Variants in CHMP3 observed in about 807,000 individuals in gnomAD.
CHMP3 encodes 25.1 protein.
In CHMP3, 8 loss-of-function variants were observed where a neutral mutation model predicts 27.4. That is an observed-to-expected ratio of 0.29 (90% CI 0.17 to 0.53). CHMP3 has a LOEUF of 0.53. CHMP3 is among the 20% of genes least tolerant of loss of function. The pLI is 0.96. For missense variants in CHMP3, 208 were observed against 271.5 expected, an observed-to-expected ratio of 0.77 and a Z score of 1.64; for synonymous variants, 86 against 85.5, an observed-to-expected ratio of 1.01 and a Z score of -0.03.
chr2:86,511,846 CAG>C (rs1675119279), intron 3 of CHMP3: 1 of 151,926 alleles, frequency 6.6e-6, no homozygotes, highest in African/African-American at 2.4e-5. Flanking sequence ...AATAAGTAAA[CAG>C]ATGGGAGACA....
chr2:86,552,556 G>A (rs867499373), intron 1 of CHMP3, among the ~76,000 whole-genome samples: 2 of 152,180 alleles, frequency 1.3e-5, no homozygotes, highest in African/African-American at 2.4e-5. Context: ...TTCACATGGT[G>A]CTAAAATATC....
At chr2:86,542,384 G>T (rs1240329449) in intron 1 of CHMP3, 72 bp from the exon 2 acceptor site, 2 of 1,384,570 alleles carry the variant, frequency 1.4e-6, no homozygotes, top group Non-Finnish European at 2.0e-6. Context: ...TAAGAATTTT[G>T]TATTAACTCC....
chr2:86,563,152 T>C, intron 1 of CHMP3, 152 bp downstream of exon 1: 1 of 901,880 alleles, frequency 1.1e-6, no homozygotes, highest in South Asian at 1.6e-5. Flanking sequence ...CTAAAGACTC[T>C]TCCTCCGGCC....
Position 86,507,607 on chromosome 2 carries a change from A to G in CHMP3, c.409-14T>C. On this transcript the variant is annotated splice_polypyrimidine_tract_variant and intron_variant, in intron 4 of 5. Transcript: ENST00000263856. ...TATGATCCCAGCCTAAACAGAATAA[A>G]TATGTCACTTCGGTCAACTGTTAAA... 1 of 1,609,200 alleles carries G rather than the reference A, an allele frequency of 6.2e-7. No individual in the cohort carries two copies. Among genetic ancestry groups the G allele is most frequent in the Non-Finnish European group, 8.5e-7 (1 of 1,175,596 alleles).
chr2:86,535,489 A>C (rs1404148808), intron 2 of CHMP3, among the ~76,000 whole-genome samples: 1 of 152,070 alleles, frequency 6.6e-6, no homozygotes, highest in African/African-American at 2.4e-5. Context: ...TCCTAAACTT[A>C]TAACACTCTA....
At chr2:86,511,790 G>A (rs1675116892) in intron 3 of CHMP3, 1 of 152,040 alleles carries the variant, frequency 6.6e-6, no homozygotes, top group African/African-American at 2.4e-5. Flanking sequence ...GAGAGTACCT[G>A]AACATGGTAT....
At chr2:86,507,636 G>A in intron 4 of CHMP3, 43 bp from the exon 5 acceptor site, 1 of 1,560,152 alleles carries the variant, frequency 6.4e-7, no homozygotes. Flanking sequence ...TGTTAAATCT[G>A]TTCCCATCAG....
chr2:86,544,115 T>C (rs2103990697), intron 1 of CHMP3, among the ~76,000 whole-genome samples: 1 of 152,360 alleles, frequency 6.6e-6, no homozygotes, highest in Middle Eastern at 3.4e-3. Flanking sequence ...CTCCATGTTG[T>C]AGCCTGTATC....
intron 3 of CHMP3, among the ~76,000 whole-genome samples, chr2:86,512,770 T>C (rs1306510721): frequency 1.3e-5 from 2 of 152,200 alleles, no homozygotes; most frequent in Admixed American, 6.5e-5. Context: ...AGTAAGCATA[T>C]GAAAAGATGT....
intron 5 of CHMP3, 165 bp downstream of exon 5, chr2:86,507,314 G>T: frequency 1.6e-6 from 1 of 610,228 alleles, no homozygotes; most frequent in Non-Finnish European, 2.9e-6. Context: ...TTAAAAGATG[G>T]TTATAGATAT....
intron 1 of CHMP3, among the ~76,000 whole-genome samples, chr2:86,550,525 T>C (rs1437587767): frequency 6.6e-6 from 1 of 152,180 alleles, no homozygotes; most frequent in Non-Finnish European, 1.5e-5. Flanking sequence ...CTTATATTTA[T>C]CTATATTGAA....
At chr2:86,542,351 G>GA in intron 1 of CHMP3, 39 bp from the exon 2 acceptor site, 2 of 1,577,318 alleles carry the variant, frequency 1.3e-6, no homozygotes, top group South Asian at 2.2e-5. Flanking sequence ...GAGAAAAGCC[G>GA]AAACTCCTAA....
At chr2:86,521,580 C>CA (rs1675525439) in intron 3 of CHMP3, among the ~76,000 whole-genome samples, 1 of 152,140 alleles carries the variant, frequency 6.6e-6, no homozygotes, top group African/African-American at 2.4e-5. Context: ...CACCATCACT[C>CA]AATCAATCCC....
At position 86,533,130 on chromosome 2, in the gene CHMP3, ATTTC is replaced by A. The variant is rs148210155; in HGVS notation, c.107-3737_107-3734del. On this transcript the variant is annotated intron_variant, in intron 2 of 5. Transcript: ENST00000263856. Reference sequence around the variant, plus strand: ...AGGTATAAGTCTGTTCACATTTTCTATTTCTTTATGTTTCAATCTTGGTAAGTTT... The same window carrying A: ...AGGTATAAGTCTGTTCACATTTTCTATTTATGTTTCAATCTTGGTAAGTTT... Among the ~76,000 whole-genome samples, 12 of 152,140 alleles carry A rather than the reference ATTTC, an allele frequency of 7.9e-5. No individual in the cohort carries two copies. The East Asian group carries it at 2.3e-3, about 29-fold the overall frequency.
At chr2:86,535,412 T>C (rs757717765) in intron 2 of CHMP3, among the ~76,000 whole-genome samples, 1 of 152,218 alleles carries the variant, frequency 6.6e-6, no homozygotes, top group Non-Finnish European at 1.5e-5. Flanking sequence ...GAAATGTTTT[T>C]ATTCCCTTCT....
chr2:86,546,020 G>A (rs941320172), intron 1 of CHMP3, among the ~76,000 whole-genome samples: 2 of 152,194 alleles, frequency 1.3e-5, no homozygotes, highest in African/African-American at 4.8e-5. Flanking sequence ...GCGGCTGGGA[G>A]GTGGAGGTTG....
rs558935686 is a variant in CHMP3 at position 86,516,090 on chromosome 2, G to A, written c.287-5611C>T. ...TTCAACCCGGGAGGCGGAGACTGCAGTGAGCCGAGATCGCACCACTGCACT... is the reference window on the plus strand; with the variant it reads ...TTCAACCCGGGAGGCGGAGACTGCAATGAGCCGAGATCGCACCACTGCACT... On this transcript the variant is annotated intron_variant, in intron 3 of 5. Transcript: ENST00000263856. 1.0e-4 allele frequency among the ~76,000 whole-genome samples: 15 copies of A among 147,818 alleles called. No homozygotes were observed. The South Asian group carries it at 3.2e-3, about 31-fold the overall frequency.
intron 1 of CHMP3, among the ~76,000 whole-genome samples, chr2:86,549,015 C>T (rs1221625398): frequency 3.4e-5 from 5 of 145,736 alleles, no homozygotes; most frequent in African/African-American, 1.0e-4. Flanking sequence ...CAGGCAGAGG[C>T]GCTCCCCACC....
chr2:86,520,120 G>A (rs1190735424), intron 3 of CHMP3, among the ~76,000 whole-genome samples: 1 of 152,202 alleles, frequency 6.6e-6, no homozygotes, highest in African/African-American at 2.4e-5. Flanking sequence ...CTGAGGCCAA[G>A]ACAAAGAAAT....
Sources: gnomAD v4.1 joint callset for allele counts (sites outside exome capture counted in the v4.1 genomes callset) on GRCh38, gnomAD v4.1.1 for gene constraint, MANE v1.5 for transcripts, NCBI Gene and HGNC (gene_info 2026-07-23, HGNC 2026-07-21) for gene names.